CIT: variants seen among roughly 807,000 people sequenced by gnomAD.
CIT encodes the protein citron rho-interacting serine/threonine kinase, also known as citron Rho-interacting kinase.
In CIT, 79 loss-of-function variants were observed where a neutral mutation model predicts 272.7. The observed-to-expected ratio is 0.29, with a 90% CI of 0.24 to 0.35. CIT has a LOEUF of 0.35. Among genes scored for constraint, CIT ranks in the 10% least tolerant of loss-of-function variants. The pLI is 1.00. For synonymous variants in CIT, 948 were observed against 995.6 expected, an observed-to-expected ratio of 0.95 and a Z score of 0.90; for missense variants, 1,909 against 2,618.3, an observed-to-expected ratio of 0.73 and a Z score of 5.91.
At chr12:119,730,358 G>A (rs1958369842) in intron 27 of CIT, 137 bp downstream of exon 27, 2 of 952,478 alleles carry the variant, frequency 2.1e-6, no homozygotes, top group Non-Finnish European at 2.9e-6. Context: ...GCAAAACCAT[G>A]GGACATTTTT....
At chr12:119,752,683 C>T (rs911649654) in intron 22 of CIT, among the ~76,000 whole-genome samples, 2 of 152,190 alleles carry the variant, frequency 1.3e-5, no homozygotes, top group African/African-American at 2.4e-5. Flanking sequence ...ATTTTAAACA[C>T]GCTTTCTCTG....
rs804667 is a variant in CIT at position 119,712,391 on chromosome 12, C to T, written c.4685-44G>A. 432,251 of 1,561,594 alleles carry T rather than the reference C, an allele frequency of 0.28. 62,970 individuals carry two copies. Among genetic ancestry groups the T allele is most frequent in the Middle Eastern group, 0.32 (1,856 of 5,790 alleles). ...CACAGGATTGGGTGTGGATTTCCCCCGTTCCCACTGGGAGGGACGGGCCTG... is the reference window on the plus strand; with the variant it reads ...CACAGGATTGGGTGTGGATTTCCCCTGTTCCCACTGGGAGGGACGGGCCTG... On this transcript the variant is annotated intron_variant, in intron 36 of 47. Coordinates refer to ENST00000392521, the MANE Select transcript of CIT (RefSeq NM_001206999.2). This position sits in a 1 kb window ranked among gnomAD's most constrained non-coding sequence, Gnocchi z 5.2.
intron 10 of CIT, among the ~76,000 whole-genome samples, chr12:119,794,861 A>C: frequency 6.6e-6 from 1 of 152,186 alleles, no homozygotes; most frequent in Non-Finnish European, 1.5e-5. Context: ...ACCAACACTA[A>C]GTGTGCTTCA....
intron 39 of CIT, among the ~76,000 whole-genome samples, chr12:119,709,387 G>A (rs1476853532): frequency 6.6e-6 from 1 of 151,946 alleles, no homozygotes. Flanking sequence ...GGGAGGCTAT[G>A]CATATATGAG....
chr12:119,824,108 GTATATATATATA>G (rs59234933), intron 8 of CIT, among the ~76,000 whole-genome samples: 30,292 of 125,374 alleles, frequency 0.24, 3,800 homozygotes, highest in South Asian at 0.4. Flanking sequence ...TAGTTTTACT[GTATATATATATA>G]TATATATATA....
rs778836860 is a variant in CIT, at chr12:119,710,900, T to C, written c.4855-280A>G. 4 of 648,322 alleles carry C rather than the reference T, an allele frequency of 6.2e-6. No homozygotes were observed. Among genetic ancestry groups the C allele is most frequent in the Non-Finnish European group, 9.9e-6 (4 of 405,354 alleles). 40.2% of individuals were successfully genotyped at this position (648,322 alleles called of 1,614,324 possible). ...GAGGGTAGTAGACATGGAAAGCTATTCTGTAATAAGAAATAAGCTGAAGCT... is the reference window on the plus strand; with the variant it reads ...GAGGGTAGTAGACATGGAAAGCTATCCTGTAATAAGAAATAAGCTGAAGCT... On this transcript the variant is annotated intron_variant, in intron 37 of 47. Coordinates refer to ENST00000392521, the MANE Select transcript of CIT (RefSeq NM_001206999.2). The surrounding 1 kb of genome is among the most constrained non-coding windows in gnomAD (Gnocchi z 5.6).
chr12:119,761,720 G>GA (rs971817376), intron 19 of CIT, among the ~76,000 whole-genome samples: 2 of 151,866 alleles, frequency 1.3e-5, no homozygotes, highest in African/African-American at 4.8e-5. Flanking sequence ...ACTAGGGGGA[G>GA]AAAAAAAAGT....
At chr12:119,741,064 C>A (rs1162620049) in intron 24 of CIT, among the ~76,000 whole-genome samples, 1 of 152,054 alleles carries the variant, frequency 6.6e-6, no homozygotes, top group Non-Finnish European at 1.5e-5. Flanking sequence ...CAGCTTGATC[C>A]ATTATGGAAA....
chr12:119,742,790 T>C (rs78626776), intron 23 of CIT: 2,857 of 220,198 alleles, frequency 0.013, 80 homozygotes, highest in African/African-American at 0.061. Flanking sequence ...CTCTCCTTCA[T>C]TTGTCCTATT....
intron 10 of CIT, among the ~76,000 whole-genome samples, chr12:119,799,797 G>A (rs901979469): frequency 6.6e-6 from 1 of 151,180 alleles, no homozygotes; most frequent in Non-Finnish European, 1.5e-5. Context: ...TTTTTAATGT[G>A]GCTCAAAACT....
chr12:119,702,076 G>A, intron 41 of CIT, 118 bp from the exon 42 acceptor site: 1 of 727,946 alleles, frequency 1.4e-6, no homozygotes, highest in South Asian at 1.7e-5. Flanking sequence ...TTGTCACCAA[G>A]CTTGTTCACG....
At chr12:119,790,338 C>T (rs969904449) in intron 10 of CIT, among the ~76,000 whole-genome samples, 1 of 152,116 alleles carries the variant, frequency 6.6e-6, no homozygotes, top group Non-Finnish European at 1.5e-5. Context: ...CTGATACTAT[C>T]ACTGCTTTAA....
intron 10 of CIT, among the ~76,000 whole-genome samples, chr12:119,793,605 C>A (rs1162922127): frequency 2.0e-5 from 3 of 152,240 alleles, no homozygotes; most frequent in Non-Finnish European, 4.4e-5. Flanking sequence ...TTAAGTACCC[C>A]CTACCCAAAC....
intron 24 of CIT, among the ~76,000 whole-genome samples, chr12:119,736,266 G>T (rs1958747572): frequency 1.3e-5 from 2 of 152,164 alleles, no homozygotes; most frequent in South Asian, 4.1e-4. Context: ...AAAAGGAAAT[G>T]CCGTTAAGCC....
intron 26 of CIT, among the ~76,000 whole-genome samples, chr12:119,731,813 AATATAT>A (rs57327382): frequency 0.013 from 1,778 of 139,082 alleles, 60 homozygotes; most frequent in African/African-American, 0.041. Flanking sequence ...TTCTCTCCTA[AATATAT>A]ATATATATAT....
intron 10 of CIT, among the ~76,000 whole-genome samples, chr12:119,794,254 A>G (rs771132780): frequency 9.9e-5 from 15 of 151,778 alleles, no homozygotes; most frequent in Non-Finnish European, 1.9e-4. Context: ...AAGGACTAGA[A>G]CAATATATTT....
intron 10 of CIT, among the ~76,000 whole-genome samples, chr12:119,801,829 A>G (rs1243072437): frequency 6.6e-6 from 1 of 152,198 alleles, no homozygotes; most frequent in African/African-American, 2.4e-5. Flanking sequence ...GGGGTTGTGG[A>G]GCAAATCAGA....
chr12:119,792,524 C>T (rs914760387), intron 10 of CIT, among the ~76,000 whole-genome samples: 6 of 152,040 alleles, frequency 3.9e-5, no homozygotes, highest in African/African-American at 1.4e-4. Flanking sequence ...GGCTGGAGTG[C>T]AGTGGTGCGA....
intron 10 of CIT, among the ~76,000 whole-genome samples, chr12:119,787,935 G>A (rs1372530419): frequency 2.0e-5 from 3 of 152,124 alleles, no homozygotes; most frequent in Non-Finnish European, 4.4e-5. Flanking sequence ...CACACTGCAA[G>A]TGTTCGACAA....
Sources: allele counts gnomAD v4.1 joint callset (sites outside exome capture counted in the v4.1 genomes callset), GRCh38; gene constraint gnomAD v4.1.1; non-coding constraint Gnocchi (gnomAD v3.1); transcripts MANE v1.5; gene names NCBI Gene and HGNC (gene_info 2026-07-23, HGNC 2026-07-21).